The following FRMD4A variants were observed in gnomAD, a reference collection of about 807,000 sequenced individuals.
The protein encoded by FRMD4A is FERM domain-containing protein 4A.
FRMD4A carries 29 observed loss-of-function variants against 129.1 expected under a neutral mutation model. The ratio of observed to expected loss-of-function variants is 0.22; its 90% CI spans 0.17 to 0.31. The LOEUF (loss-of-function observed/expected upper bound fraction) is 0.31, where lower values mean the gene tolerates loss of function less well. Ranked by LOEUF, FRMD4A falls within the 10% of genes least tolerant of loss-of-function variation. The pLI is 1.00. For missense variants in FRMD4A, 1,272 were observed against 1,375.8 expected (o/e 0.92, Z 1.19); for synonymous variants, 634 against 571.6 (o/e 1.11, Z -1.56).
At chr10:13,914,844 C>T (rs952000531) in intron 2 of FRMD4A, among the ~76,000 whole-genome samples, 3 of 152,004 alleles carry the variant, frequency 2.0e-5, no homozygotes, top group Non-Finnish European at 2.9e-5. Context: ...AGTGAGACCC[C>T]ATCTCTACAA....
intron 11 of FRMD4A, among the ~76,000 whole-genome samples, chr10:13,739,963 G>A (rs2090888950): frequency 6.6e-6 from 1 of 152,206 alleles, no homozygotes. Flanking sequence ...AGCTGGGTGT[G>A]GTGGCGCATG....
chr10:13,917,224 G>A (rs1375929370), intron 2 of FRMD4A, among the ~76,000 whole-genome samples: 1 of 151,920 alleles, frequency 6.6e-6, no homozygotes, highest in Non-Finnish European at 1.5e-5. Context: ...TAATATTGTT[G>A]GGAGATTCTT....
rs371639628 is a variant in FRMD4A, at chr10:13,990,727, C to T, written c.46-131815G>A. Among the ~76,000 whole-genome samples the T allele has an allele frequency of 1.1e-3, 163 of 152,294 alleles. 4 individuals are homozygous for T. The South Asian group carries it at 0.032, about 30-fold the overall frequency. On this transcript the variant is annotated intron_variant, in intron 2 of 24. Coordinates refer to ENST00000357447, the MANE Select transcript of FRMD4A (RefSeq NM_018027.5). ...GCCCTAGGACGGTGACCTCTCCGAT[C>T]TCCAGATCGGAAACTCAGAAACGTG...
intron 2 of FRMD4A, among the ~76,000 whole-genome samples, chr10:14,052,043 C>T (rs1037172803): frequency 2.6e-5 from 4 of 152,132 alleles, no homozygotes; most frequent in Non-Finnish European, 4.4e-5. Flanking sequence ...TAAGAGGAGA[C>T]TCAGAGACAG....
chr10:13,821,672 C>T lies in FRMD4A; in HGVS notation c.112-10764G>A, dbSNP rs561317379. Among the ~76,000 whole-genome samples the T allele has an allele frequency of 6.6e-6, 1 of 152,284 alleles. No individual in the cohort carries two copies. The highest frequency in any genetic ancestry group is 1.9e-4 in the East Asian group (1 of 5,182). ...GATTGCCCCCATGTGATAGAGGGAA[C>T]TGAGATACAGCCAGAGAAGCAACTC... On this transcript the variant is annotated intron_variant, in intron 3 of 24. Coordinates refer to ENST00000357447, the MANE Select transcript of FRMD4A (RefSeq NM_018027.5). This position sits in a 1 kb window ranked among gnomAD's most constrained non-coding sequence, Gnocchi z 4.3.
intron 3 of FRMD4A, among the ~76,000 whole-genome samples, chr10:13,817,837 C>A (rs1481699824): frequency 6.6e-6 from 1 of 152,174 alleles, no homozygotes; most frequent in Non-Finnish European, 1.5e-5. Context: ...TGACAACATC[C>A]TTTCAGGTGA....
At chr10:13,789,990 C>G (rs1258735211) in intron 5 of FRMD4A, among the ~76,000 whole-genome samples, 1 of 151,988 alleles carries the variant, frequency 6.6e-6, no homozygotes, top group Non-Finnish European at 1.5e-5. Context: ...TGGAAGGGGT[C>G]AAGGCCAGAC....
At chr10:13,732,646 G>C (rs944372485) in intron 12 of FRMD4A, among the ~76,000 whole-genome samples, 5 of 152,246 alleles carry the variant, frequency 3.3e-5, no homozygotes, top group African/African-American at 1.2e-4. Flanking sequence ...GAAGCCTCCA[G>C]GTGCACAGTG....
intron 2 of FRMD4A, among the ~76,000 whole-genome samples, chr10:14,020,546 G>A (rs1832695182): frequency 1.3e-5 from 2 of 152,148 alleles, no homozygotes; most frequent in Admixed American, 1.3e-4. Flanking sequence ...AGGACACACT[G>A]GCCTATAGAT....
chr10:13,882,232 G>A (rs541763110), intron 2 of FRMD4A, among the ~76,000 whole-genome samples: 1 of 152,170 alleles, frequency 6.6e-6, no homozygotes, highest in East Asian at 1.9e-4. Context: ...AGGAAAGAGA[G>A]CCCCTAAACT....
At chr10:14,158,034 A>G (rs931833083) in intron 2 of FRMD4A, among the ~76,000 whole-genome samples, 1 of 152,178 alleles carries the variant, frequency 6.6e-6, no homozygotes, top group African/African-American at 2.4e-5. Flanking sequence ...CACCAGCAAT[A>G]CTAGAGTAAA....
intron 2 of FRMD4A, among the ~76,000 whole-genome samples, chr10:14,185,481 T>C (rs1443881443): frequency 6.6e-6 from 1 of 152,222 alleles, no homozygotes; most frequent in Non-Finnish European, 1.5e-5. Flanking sequence ...ATTACAACAT[T>C]TTGTAATTTT....
chr10:13,729,064 C>T (rs1045950120), intron 12 of FRMD4A, among the ~76,000 whole-genome samples: 1 of 152,206 alleles, frequency 6.6e-6, no homozygotes, highest in Non-Finnish European at 1.5e-5. Context: ...ACTCCCCATG[C>T]CCTCCACCTC....
chr10:13,664,921 T>C (rs1234307581), intron 18 of FRMD4A, among the ~76,000 whole-genome samples: 1 of 152,176 alleles, frequency 6.6e-6, no homozygotes, highest in African/African-American at 2.4e-5. Context: ...TCGCTCTTGT[T>C]GCCCAGGCTG....
At chr10:14,311,738 C>T (rs1846557148) in intron 2 of FRMD4A, among the ~76,000 whole-genome samples, 1 of 152,096 alleles carries the variant, frequency 6.6e-6, no homozygotes, top group Non-Finnish European at 1.5e-5. Flanking sequence ...AGCCAACCCC[C>T]ATCTGTCTCT....
At chr10:13,805,779 C>T (rs1228995550) in intron 4 of FRMD4A, among the ~76,000 whole-genome samples, 1 of 152,140 alleles carries the variant, frequency 6.6e-6, no homozygotes, top group African/African-American at 2.4e-5. Context: ...GTCTTGAACT[C>T]CTGGGCTCAA....
intron 12 of FRMD4A, 79 bp from the exon 13 acceptor site, chr10:13,707,192 T>G: frequency 1.1e-6 from 1 of 939,178 alleles, no homozygotes; most frequent in Non-Finnish European, 1.7e-6. Context: ...TGGTTAACTT[T>G]CGACAGCTGG....
chr10:14,116,011 T>G (rs1173214992), intron 2 of FRMD4A, among the ~76,000 whole-genome samples: 1 of 152,200 alleles, frequency 6.6e-6, no homozygotes. Flanking sequence ...ACTCAATAAA[T>G]AGCTTTCAGT....
chr10:14,271,874 C>T (rs974888117), intron 2 of FRMD4A, among the ~76,000 whole-genome samples: 2 of 152,100 alleles, frequency 1.3e-5, no homozygotes, highest in Middle Eastern at 3.2e-3. Context: ...GAAACTGAAG[C>T]GTGGCCAATG....
Sources: gnomAD v4.1 joint callset for allele counts (sites outside exome capture counted in the v4.1 genomes callset) on GRCh38, gnomAD v4.1.1 for gene constraint, Gnocchi (gnomAD v3.1) non-coding constraint, MANE v1.5 for transcripts, NCBI Gene and HGNC (gene_info 2026-07-23, HGNC 2026-07-21) for gene names.